ITGAV: variants seen among roughly 807,000 people sequenced by gnomAD.
The protein encoded by ITGAV is integrin subunit alpha V.
ITGAV carries 76 observed loss-of-function variants against 143.8 expected under a neutral mutation model. That is an observed-to-expected ratio of 0.53 (90% CI 0.44 to 0.64). The LOEUF is 0.64. ITGAV is among the 30% of genes least tolerant of loss of function. The pLI is 0.00. For synonymous variants in ITGAV, 453 were observed against 446.7 expected (o/e 1.01, Z -0.18); for missense variants, 1,193 against 1,274.7 (o/e 0.94, Z 0.98).
rs1689024264 is a variant in ITGAV, at chr2:186,670,121, A to AAAAATCCAG, written c.2706+310_2706+318dup. Among the ~76,000 whole-genome samples, 3 of 152,326 alleles carry AAAAATCCAG rather than the reference A, an allele frequency of 2.0e-5. No individual in the cohort carries two copies. The South Asian group carries it at 6.2e-4, about 32-fold the overall frequency. The stretch of plus-strand genomic sequence containing the variant: ...TCTCTGAGGCTTTAGTACGATACTA[A>AAAAATCCAG]AAAATCCAGAAGGTCCCAACAAAAA... On this transcript the variant is annotated intron_variant, in intron 26 of 29. Coordinates refer to ENST00000261023, the MANE Select transcript of ITGAV (RefSeq NM_002210.5).
intron 2 of ITGAV, among the ~76,000 whole-genome samples, chr2:186,614,113 A>G (rs145221154): frequency 2.6e-5 from 4 of 152,240 alleles, no homozygotes; most frequent in African/African-American, 2.4e-5. Context: ...AAGCTTTTGT[A>G]TATGAGGATT....
At chr2:186,656,222 G>T (rs202211108) in intron 16 of ITGAV, 25 bp from the exon 17 acceptor site, 1 of 1,556,292 alleles carries the variant, frequency 6.4e-7, no homozygotes, top group African/African-American at 1.4e-5. Context: ...GAATATGTTG[G>T]TTATAAATCC....
chr2:186,601,142 T>C (rs1686892011), intron 1 of ITGAV, among the ~76,000 whole-genome samples: 2 of 152,296 alleles, frequency 1.3e-5, no homozygotes, highest in South Asian at 2.1e-4. Flanking sequence ...GTCTTTGGTT[T>C]ATTTTACCTT....
intron 10 of ITGAV, 105 bp from the exon 11 acceptor site, chr2:186,640,810 A>G (rs1271576928): frequency 3.6e-6 from 3 of 830,766 alleles, no homozygotes; most frequent in Admixed American, 5.1e-5. Context: ...GAAGCACTAT[A>G]TGCAGAGAAA....
Position 186,667,174 on chromosome 2 carries a change from C to G in ITGAV, c.2271C>G (p.Ser757Arg), listed in dbSNP as rs759093846. The change falls in exon 23 of 30, where the codon AGC becomes AGG. Residue 757 changes from serine (S) to arginine (R), a missense_variant. Physicochemically the swap from Ser to Arg is moderately radical, Grantham distance 110. Transcript: ENST00000261023. ...GCTCAAATCTATTTGACAAAGTAAGCCCAGTTGTATCTCACAAAGTTGATC... is the reference window on the plus strand; with the variant it reads ...GCTCAAATCTATTTGACAAAGTAAGGCCAGTTGTATCTCACAAAGTTGATC... ...IQSSNLFDKV[S>R]PVVSHKVDLA... 2.5e-6 allele frequency: 4 copies of G among 1,611,270 alleles called. No individual in the cohort carries two copies. The highest frequency in any genetic ancestry group is 3.4e-6 in the Non-Finnish European group (4 of 1,178,530).
intron 13 of ITGAV, among the ~76,000 whole-genome samples, chr2:186,647,726 CT>C (rs757899484): frequency 1.4e-4 from 22 of 152,088 alleles, no homozygotes; most frequent in Non-Finnish European, 2.8e-4. Context: ...TTTTCTGGTT[CT>C]TATACACTTT....
chr2:186,646,544 AAAT>A (rs2105718863), intron 12 of ITGAV, 139 bp from the exon 13 acceptor site: 2 of 576,936 alleles, frequency 3.5e-6, no homozygotes, highest in East Asian at 5.7e-5. Context: ...AGATCTGTAC[AAAT>A]AATTACAAGT....
intron 1 of ITGAV, chr2:186,600,295 T>A (rs776233326): frequency 3.9e-6 from 6 of 1,529,352 alleles, no homozygotes; most frequent in Non-Finnish European, 5.3e-6. Context: ...TCCACTTCCC[T>A]CATCCCCACC....
chr2:186,611,492 GCTAGGAGT>G (rs1294244462), intron 2 of ITGAV, among the ~76,000 whole-genome samples: 1 of 152,096 alleles, frequency 6.6e-6, no homozygotes, highest in East Asian at 1.9e-4. Context: ...CTCCCAAAGT[GCTAGGAGT>G]ACAGGTGTAA....
chr2:186,646,054 C>A (rs904772418), intron 12 of ITGAV, among the ~76,000 whole-genome samples: 1 of 152,030 alleles, frequency 6.6e-6, no homozygotes, highest in African/African-American at 2.4e-5. Flanking sequence ...GTGGCAGCAG[C>A]AGAGAGAGAA....
chr2:186,625,677 G>A, intron 4 of ITGAV, 90 bp downstream of exon 4: 1 of 541,366 alleles, frequency 1.8e-6, no homozygotes, highest in South Asian at 2.5e-5. Flanking sequence ...GTGTGTGTGT[G>A]TGAGAGAGAG....
intron 26 of ITGAV, among the ~76,000 whole-genome samples, chr2:186,672,977 T>A (rs115093680): frequency 0.01 from 1,583 of 152,342 alleles, 30 homozygotes; most frequent in African/African-American, 0.036. Context: ...ATCATATTTT[T>A]AAAACCATTG....
At chr2:186,654,048 A>T (rs914292213) in intron 15 of ITGAV, among the ~76,000 whole-genome samples, 1 of 152,140 alleles carries the variant, frequency 6.6e-6, no homozygotes, top group Admixed American at 6.5e-5. Context: ...TAAAATCTGA[A>T]CCGTTGGCTA....
At chr2:186,642,150 C>G (rs75021358) in intron 12 of ITGAV, among the ~76,000 whole-genome samples, 1 of 152,034 alleles carries the variant, frequency 6.6e-6, no homozygotes, top group Non-Finnish European at 1.5e-5. Context: ...TAATAGTTGT[C>G]GATATCTTTA....
rs376961781 is a variant in ITGAV at position 186,628,170 on chromosome 2, TC to T, written c.523+2584del. 2.9e-3 allele frequency among the ~76,000 whole-genome samples: 447 copies of T among 152,300 alleles called. 2 individuals are homozygous for T. The highest frequency in any genetic ancestry group is 0.01 in the African/African-American group (430 of 41,566). On this transcript the variant is annotated intron_variant, in intron 4 of 29. Coordinates refer to ENST00000261023, the MANE Select transcript of ITGAV (RefSeq NM_002210.5). ...TGAGGTATAAATTCAGTGTTTTTTATCTGTTTCATACTTCAATAAATTATGC... is the reference window on the plus strand; with the variant it reads ...TGAGGTATAAATTCAGTGTTTTTTATTGTTTCATACTTCAATAAATTATGC...
At chr2:186,631,479 T>C (rs928957867) in intron 5 of ITGAV, among the ~76,000 whole-genome samples, 2 of 152,176 alleles carry the variant, frequency 1.3e-5, no homozygotes, top group African/African-American at 2.4e-5. Context: ...CTGAAGTACT[T>C]TTCTTTATTT....
chr2:186,637,168 A>G (rs1574482052), intron 8 of ITGAV, 59 bp downstream of exon 8: 3 of 1,391,996 alleles, frequency 2.2e-6, no homozygotes, highest in Non-Finnish European at 3.0e-6. Context: ...TATTTGAAAC[A>G]TGTGGCATTG....
At chr2:186,669,952 A>G in intron 26 of ITGAV, 138 bp downstream of exon 26, 1 of 650,630 alleles carries the variant, frequency 1.5e-6, no homozygotes, top group South Asian at 1.8e-5. Flanking sequence ...CATTCCTCTC[A>G]CTTTCCTTTT....
chr2:186,650,370 T>C (rs1264103092), intron 14 of ITGAV, among the ~76,000 whole-genome samples: 1 of 152,030 alleles, frequency 6.6e-6, no homozygotes, highest in Non-Finnish European at 1.5e-5. Flanking sequence ...CGGCTAATTT[T>C]TGTATTTTTA....
Sources: allele counts gnomAD v4.1 joint callset (sites outside exome capture counted in the v4.1 genomes callset), GRCh38; gene constraint gnomAD v4.1.1; transcripts MANE v1.5; gene names NCBI Gene and HGNC (gene_info 2026-07-23, HGNC 2026-07-21).